The following TENM2 variants were observed in gnomAD, a reference collection of about 807,000 sequenced individuals.
TENM2 encodes the protein teneurin transmembrane protein 2.
A neutral mutation model predicts 245.2 loss-of-function variants in TENM2; 52 were observed. The observed-to-expected ratio is 0.21, with a 90% CI of 0.17 to 0.27. TENM2 has a LOEUF of 0.27. Ranked by LOEUF, TENM2 falls within the 10% of genes least tolerant of loss-of-function variation. The pLI is 1.00. For synonymous variants in TENM2, 1,363 were observed against 1,438.9 expected (o/e 0.95, Z 1.19); for missense variants, 3,046 against 3,666.8 (o/e 0.83, Z 4.37).
At chr5:167,470,232 A>G (rs1766926736) in intron 2 of TENM2, among the ~76,000 whole-genome samples, 1 of 152,152 alleles carries the variant, frequency 6.6e-6, no homozygotes. Context: ...ATGATGACCC[A>G]GACATAAATC....
intron 2 of TENM2, among the ~76,000 whole-genome samples, chr5:167,678,889 G>A (rs974849741): frequency 2.6e-5 from 4 of 152,022 alleles, no homozygotes; most frequent in Non-Finnish European, 5.9e-5. Flanking sequence ...TTCAATTACT[G>A]TTGCAGAGAA....
chr5:168,226,657 A>G (rs908362439), intron 24 of TENM2, among the ~76,000 whole-genome samples: 1 of 152,044 alleles, frequency 6.6e-6, no homozygotes, highest in East Asian at 1.9e-4. Context: ...ACTAGACTTC[A>G]TATTTTCTTG....
chr5:167,256,221 T>C, the TENM2 span, among the ~76,000 whole-genome samples: 5 of 152,052 alleles, frequency 3.3e-5, no homozygotes, highest in African/African-American at 7.2e-5. Context: ...GTCTGTGGAG[T>C]TTTGGGATTC....
chr5:167,516,638 C>A (rs1644625412), intron 2 of TENM2, among the ~76,000 whole-genome samples: 1 of 152,164 alleles, frequency 6.6e-6, no homozygotes, highest in Non-Finnish European at 1.5e-5. Flanking sequence ...GCAAAAGCAC[C>A]TCAATATAAT....
At position 168,069,787 on chromosome 5, in the gene TENM2, G is replaced by A. The variant is rs547162273; in HGVS notation, c.1515+7522G>A. 5.3e-5 allele frequency among the ~76,000 whole-genome samples: 8 copies of A among 152,164 alleles called. No homozygotes were observed. The South Asian group carries it at 1.2e-3, about 24-fold the overall frequency. ...GTACAACGTAAACACAATAGTTTAC[G>A]GAGTAAAATTACACCTGCTGCCAAA... is the stretch of plus-strand genomic sequence containing the variant. On this transcript the variant is annotated intron_variant, in intron 7 of 28. Coordinates refer to ENST00000518659, the Ensembl canonical transcript of TENM2.
intron 12 of TENM2, among the ~76,000 whole-genome samples, chr5:168,143,750 G>A (rs1187338773): frequency 6.6e-6 from 1 of 151,722 alleles, no homozygotes; most frequent in African/African-American, 2.4e-5. Flanking sequence ...AAAGGAGAAG[G>A]TGGGGCAAGG....
chr5:167,167,792 T>G, the TENM2 span, among the ~76,000 whole-genome samples: 1 of 152,180 alleles, frequency 6.6e-6, no homozygotes, highest in Admixed American at 6.5e-5. Context: ...GCACCTGCCC[T>G]GGCACTTTGT....
At chr5:167,137,339 T>C in the TENM2 span, among the ~76,000 whole-genome samples, 1 of 152,226 alleles carries the variant, frequency 6.6e-6, no homozygotes, top group South Asian at 2.1e-4. Flanking sequence ...CAGACTCACT[T>C]TTTTAAACTT....
intron 2 of TENM2, among the ~76,000 whole-genome samples, chr5:167,619,344 C>T (rs1778005340): frequency 6.6e-6 from 1 of 152,092 alleles, no homozygotes; most frequent in African/African-American, 2.4e-5. Context: ...CTACCAAGTG[C>T]ACCAGGTTCC....
At position 167,759,908 on chromosome 5, in the gene TENM2, A is replaced by T. The variant is rs1025614656; in HGVS notation, c.503-116078A>T. Among the ~76,000 whole-genome samples the T allele has an allele frequency of 1.1e-3, 5 of 4,606 alleles. No individual in the cohort carries two copies. The South Asian group carries it at 0.053, about 48-fold the overall frequency. 3.0% of individuals were successfully genotyped at this position (4,606 alleles called of 152,430 possible). A position where few individuals can be genotyped will look rare whatever the true frequency, so the allele number is the denominator to read the frequency against. On this transcript the variant is annotated intron_variant, in intron 2 of 28. Transcript: ENST00000518659. Reference sequence around the variant, plus strand: ...GTGTGAAATAAGGTGTGATTTTTTAAAAAAACATAGATTCTGTTTTTCAGA... The same window carrying T: ...GTGTGAAATAAGGTGTGATTTTTTATAAAAACATAGATTCTGTTTTTCAGA...
chr5:167,139,330 T>C, the TENM2 span, among the ~76,000 whole-genome samples: 1 of 152,246 alleles, frequency 6.6e-6, no homozygotes, highest in East Asian at 1.9e-4. Context: ...TGGATAATTT[T>C]CCATCTCATA....
At chr5:166,998,805 T>G in the TENM2 span, among the ~76,000 whole-genome samples, 51 of 152,098 alleles carry the variant, frequency 3.4e-4, 1 homozygote, top group Non-Finnish European at 1.6e-4. Flanking sequence ...TTGGGTGCAG[T>G]GTTATATGCC....
intron 7 of TENM2, among the ~76,000 whole-genome samples, chr5:168,068,507 G>A (rs1790696043): frequency 6.6e-6 from 1 of 152,070 alleles, no homozygotes. Context: ...GTATTATCAT[G>A]TTAATCTCTG....
At chr5:167,425,865 G>A (rs2127431896) in intron 2 of TENM2, among the ~76,000 whole-genome samples, 1 of 152,296 alleles carries the variant, frequency 6.6e-6, no homozygotes, top group African/African-American at 2.4e-5. Context: ...CTGACAGTGA[G>A]TGCTCAATCA....
At position 167,589,940 on chromosome 5, in the gene TENM2, CT is replaced by C. The variant is rs570540349; in HGVS notation, c.502+214468del. On this transcript the variant is annotated intron_variant, in intron 2 of 28. Coordinates refer to ENST00000518659, the Ensembl canonical transcript of TENM2. ...ACAAAAGTAAAATTATTTTGAAATG[CT>C]ACCGTGAAAAGGTAAAAGCTTGAAT... 5.5e-4 allele frequency among the ~76,000 whole-genome samples: 84 copies of C among 151,682 alleles called. 1 individual carries two copies. Among genetic ancestry groups the C allele is most frequent in the African/African-American group, 1.9e-3 (79 of 41,484 alleles).
chr5:167,533,186 T>C (rs1211421451), intron 2 of TENM2, among the ~76,000 whole-genome samples: 1 of 152,082 alleles, frequency 6.6e-6, no homozygotes, highest in Non-Finnish European at 1.5e-5. Flanking sequence ...ATAGTATGGC[T>C]TGGGTAAAAA....
intron 2 of TENM2, among the ~76,000 whole-genome samples, chr5:167,517,905 G>C (rs536969064): frequency 3.3e-4 from 50 of 152,094 alleles, no homozygotes; most frequent in African/African-American, 1.0e-3. Flanking sequence ...CATTCAGCAG[G>C]GGCCGGGCAC....
At chr5:167,067,679 T>A in the TENM2 span, among the ~76,000 whole-genome samples, 1 of 152,228 alleles carries the variant, frequency 6.6e-6, no homozygotes, top group African/African-American at 2.4e-5. Context: ...AATTTCTTTA[T>A]GATGTTGGTC....
intron 2 of TENM2, among the ~76,000 whole-genome samples, chr5:167,485,393 C>CACACAATTGTCTGAGATGATTTAAT (rs1491510162): frequency 2.0e-5 from 3 of 151,920 alleles, no homozygotes; most frequent in African/African-American, 7.3e-5. Context: ...ATTTTCAAAT[C>CACACAATTGTCTGAGATGATTTAAT]ACACAATTGT....
Sources: allele counts gnomAD v4.1 joint callset (sites outside exome capture counted in the v4.1 genomes callset), GRCh38; gene constraint gnomAD v4.1.1; transcripts MANE v1.5; gene names NCBI Gene and HGNC (gene_info 2026-07-23, HGNC 2026-07-21).